The following USP6 variants were observed in gnomAD, a reference collection of about 807,000 sequenced individuals.
USP6 encodes the protein ubiquitin carboxyl-terminal hydrolase 6.
USP6 carries 128 observed loss-of-function variants against 175.7 expected under a neutral mutation model. The ratio of observed to expected loss-of-function variants is 0.73; its 90% CI spans 0.63 to 0.84. USP6 has a LOEUF of 0.84. Among genes scored for constraint, USP6 ranks in the 40% least tolerant of loss-of-function variants. The pLI is 0.00. For synonymous variants in USP6, 562 were observed against 630.6 expected, an observed-to-expected ratio of 0.89 and a Z score of 1.63; for missense variants, 1,498 against 1,760.3, an observed-to-expected ratio of 0.85 and a Z score of 2.67.
intron 34 of USP6, among the ~76,000 whole-genome samples, 189 bp from the exon 35 acceptor site, chr17:5,168,578 C>T (rs1357941452): frequency 6.6e-6 from 1 of 152,194 alleles, no homozygotes; most frequent in Non-Finnish European, 1.5e-5. Flanking sequence ...TGCACAAGGA[C>T]GCCAGTGCAC....
rs1419627041 is a variant in USP6, at chr17:5,170,849, A to C, written c.3888A>C (p.Glu1296Asp). Residue 1296 changes from glutamate to aspartate, a missense_variant, in exon 36 of 38, where the codon GAA (glutamate) becomes GAC (aspartate). Coordinates refer to ENST00000574788, the MANE Select transcript of USP6 (RefSeq NM_001304284.2). ...GTCAGCTTGGAAACCACAGTGAAGA[A>C]GACAGCACTGATGACCAAAGAGAAG... The part of the protein sequence containing the change: ...SNGQLGNHSE[E>D]DSTDDQREDT... The C allele has an allele frequency of 3.1e-6, 5 of 1,612,978 alleles. No homozygotes were observed. The highest frequency in any genetic ancestry group is 4.2e-6 in the Non-Finnish European group (5 of 1,179,860).
rs1248026897 is a variant in USP6 at position 5,144,675 on chromosome 17, C to T, written c.1819-15C>T. 1 of 1,611,462 alleles carries T rather than the reference C, an allele frequency of 6.2e-7. No individual in the cohort carries two copies. The highest frequency in any genetic ancestry group is 2.2e-5 in the East Asian group (1 of 44,852). On this transcript the variant is annotated splice_polypyrimidine_tract_variant and intron_variant, in intron 25 of 37. Transcript: ENST00000574788. ...GGGTAGGAAATAATGACTGTGACTT[C>T]TCTTATATTTATAGCGGACCATAGC...
At position 5,124,679 on chromosome 17, in the gene USP6, C is replaced by G. The variant is rs1276983235; in HGVS notation, c.-1185C>G. 6.6e-6 allele frequency: 1 copy of G among 152,308 alleles called. No homozygotes were observed. The highest frequency in any genetic ancestry group is 2.4e-5 in the African/African-American group (1 of 41,454). The allele number at this position is 152,308 out of a possible 1,614,324, so 9.4% of individuals were successfully genotyped here. On this transcript the variant is annotated 5_prime_UTR_variant, in exon 5 of 38. Transcript: ENST00000574788. ...GTGACACCTTGATCTTGGACTGACA[C>G]TCATGACCTCCAGTACTGTGAGACA...
In USP6 at chr17:5,116,128, C is replaced by T. The variant is rs1210045338; in HGVS notation, c.-2540C>T. On this transcript the variant is annotated 5_prime_UTR_variant, in exon 1 of 38. Coordinates refer to ENST00000574788, the MANE Select transcript of USP6 (RefSeq NM_001304284.2). ...TCGTCTCCAGGCGCCCATCAGTCTT[C>T]CCCTCACTCGACGCTACCTTGGCGG... Among the ~76,000 whole-genome samples, 1 of 152,212 alleles carries T rather than the reference C, an allele frequency of 6.6e-6. No homozygotes were observed. The highest frequency in any genetic ancestry group is 2.4e-5 in the African/African-American group (1 of 41,464).
intron 29 of USP6, among the ~76,000 whole-genome samples, chr17:5,148,055 C>T (rs1412793070): frequency 6.6e-6 from 1 of 152,004 alleles, no homozygotes; most frequent in Non-Finnish European, 1.5e-5. Context: ...TATGGTGTAT[C>T]TTTTGTAGAG....
At chr17:5,150,573 C>T (rs1388811948) in intron 30 of USP6, among the ~76,000 whole-genome samples, 2 of 151,142 alleles carry the variant, frequency 1.3e-5, no homozygotes, top group African/African-American at 4.9e-5. Flanking sequence ...CGGTTCACTG[C>T]AGCCTCCACC....
At chr17:5,127,242 C>G (rs1369748622) in intron 6 of USP6, among the ~76,000 whole-genome samples, 1 of 152,190 alleles carries the variant, frequency 6.6e-6, no homozygotes, top group Non-Finnish European at 1.5e-5. Flanking sequence ...CGCCCCTAGT[C>G]CATGAGTCAG....
intron 17 of USP6, 55 bp downstream of exon 17, chr17:5,135,983 G>A: frequency 1.3e-6 from 2 of 1,596,704 alleles, no homozygotes; most frequent in Non-Finnish European, 1.7e-6. Flanking sequence ...GAAAGCCACT[G>A]TGGCCAGGTG....
In USP6 at chr17:5,146,085, T is replaced by C. The variant is rs1451426301; in HGVS notation, c.2230T>C (p.Tyr744His). Residue 744 changes from tyrosine (Y) to histidine (H), a missense_variant, in exon 28 of 38, where the codon TAC becomes CAC. This residue lies in a region of USP6 where 1,217 missense variants were observed against 1,500.8 expected (regional missense o/e 0.81). Coordinates refer to ENST00000574788, the MANE Select transcript of USP6 (RefSeq NM_001304284.2). ...YGLRLNMDEKYTGLKKQLRDL... is the reference protein window; with the variant it reads ...YGLRLNMDEKHTGLKKQLRDL... The stretch of plus-strand genomic sequence containing the variant: ...ACTAAGACTGAATATGGATGAAAAG[T>C]ACACAGGTTTAAAAAAACAGCTGAG... 19 of 1,613,160 alleles carry C rather than the reference T, an allele frequency of 1.2e-5. No homozygotes were observed. The highest frequency in any genetic ancestry group is 1.6e-5 in the Non-Finnish European group (19 of 1,179,484).
chr17:5,138,146 T>C lies in USP6; in HGVS notation c.951T>C (p.Cys317=), dbSNP rs1348569504. 3.1e-6 allele frequency: 5 copies of C among 1,613,974 alleles called. No homozygotes were observed. In the African/African-American group the frequency reaches 5.3e-5, roughly 17 times the overall value. ...QQKRLMKTSR[C]GLWARLRNQF... Reference sequence around the variant, plus strand: ...AGCGCCTCATGAAGACATCCAGGTGTGGCCTGTGGGCACGTCTGCGGAACC... The same window carrying C: ...AGCGCCTCATGAAGACATCCAGGTGCGGCCTGTGGGCACGTCTGCGGAACC... The change falls in exon 21 of 38, where the codon TGT becomes TGC. Residue 317 remains cysteine, a synonymous_variant. Coordinates refer to ENST00000574788, the MANE Select transcript of USP6 (RefSeq NM_001304284.2).
chr17:5,149,776 T>C (rs925933156), intron 30 of USP6, among the ~76,000 whole-genome samples: 2 of 152,102 alleles, frequency 1.3e-5, no homozygotes, highest in Admixed American at 6.5e-5. Flanking sequence ...TAGTCTAATA[T>C]ATAACTATTG....
chr17:5,123,444 G>GGGGC (rs1039278274), intron 4 of USP6, among the ~76,000 whole-genome samples: 1 of 152,042 alleles, frequency 6.6e-6, no homozygotes, highest in Non-Finnish European at 1.5e-5. Flanking sequence ...GTGAGTGCCA[G>GGGGC]GGGCGGGCAG....
intron 30 of USP6, among the ~76,000 whole-genome samples, chr17:5,152,338 A>AT (rs2073792556): frequency 6.6e-6 from 1 of 152,240 alleles, no homozygotes; most frequent in Admixed American, 6.5e-5. Flanking sequence ...AACAGGTAAA[A>AT]TTAAACAGAC....
At chr17:5,157,142 G>C (rs573596831) in intron 31 of USP6, among the ~76,000 whole-genome samples, 1 of 152,182 alleles carries the variant, frequency 6.6e-6, no homozygotes, top group Admixed American at 6.5e-5. Flanking sequence ...CTGGAGTGCA[G>C]TGGTGTGATC....
chr17:5,118,347 T>C (rs1403002858), intron 2 of USP6, 57 bp downstream of exon 2: 3 of 152,436 alleles, frequency 2.0e-5, no homozygotes, highest in Admixed American at 1.3e-4. Context: ...ATGAGCAAGC[T>C]CTTTGCGGAG....
rs578239316 is a variant in USP6, at chr17:5,167,648, G to A, written c.3037-284G>A. Among the ~76,000 whole-genome samples the A allele has an allele frequency of 3.9e-5, 6 of 152,012 alleles. No homozygotes were observed. In the East Asian group the frequency reaches 5.8e-4, roughly 15 times the overall value. Reference sequence around the variant, plus strand: ...TGAGTAGCTGGGACTACAGACATGCGCCACAATGCCCAGCTAATTTTTAGA... The same window carrying A: ...TGAGTAGCTGGGACTACAGACATGCACCACAATGCCCAGCTAATTTTTAGA... On this transcript the variant is annotated intron_variant, in intron 33 of 37. Transcript: ENST00000574788.
At position 5,173,521 on chromosome 17, in the gene USP6, C is replaced by T. The variant is rs1426580848; in HGVS notation, c.*543C>T. On this transcript the variant is annotated 3_prime_UTR_variant, in exon 38 of 38. Transcript: ENST00000574788. ...ATTTATTTTTTAAACTGTTTCCATA[C>T]CCTTTCTTTTTCTTGCTTTTTGTTT... 2.7e-5 allele frequency: 6 copies of T among 219,580 alleles called. No individual in the cohort carries two copies. The East Asian group carries it at 4.0e-4, about 15-fold the overall frequency. 13.6% of individuals were successfully genotyped at this position (219,580 alleles called of 1,614,324 possible).
Position 5,168,908 on chromosome 17 carries a change from A to G in USP6, c.3370A>G (p.Thr1124Ala). The part of the protein sequence containing the change: ...DPALCQHKPL[T>A]PQGDELSKPR... ...GGCCCTCTGCCAGCATAAACCACTCACACCCCAGGGGGATGAGCTCTCCAA... is the reference window on the plus strand; with the variant it reads ...GGCCCTCTGCCAGCATAAACCACTCGCACCCCAGGGGGATGAGCTCTCCAA... The change falls in exon 35 of 38, where the codon ACA becomes GCA. Residue 1124 changes from threonine (T) to alanine (A), a missense_variant. Physicochemically the swap from Thr to Ala is moderately conservative, Grantham distance 58. This residue lies in a region of USP6 where 1,217 missense variants were observed against 1,500.8 expected (regional missense o/e 0.81). Transcript: ENST00000574788. 1 of 1,614,004 alleles carries G rather than the reference A, an allele frequency of 6.2e-7. No homozygotes were observed. Among genetic ancestry groups the G allele is most frequent in the Non-Finnish European group, 8.5e-7 (1 of 1,179,872 alleles).
At chr17:5,133,764 C>T (rs1345338817) in intron 14 of USP6, 123 bp from the exon 15 acceptor site, 22 of 1,243,512 alleles carry the variant, frequency 1.8e-5, no homozygotes, top group Non-Finnish European at 2.6e-5. Flanking sequence ...CAGCTTTCTG[C>T]AGAAGGAAAC....
Sources: allele counts gnomAD v4.1 joint callset (sites outside exome capture counted in the v4.1 genomes callset), GRCh38; gene constraint gnomAD v4.1.1; regional missense constraint gnomAD v4.1.1; transcripts MANE v1.5; gene names NCBI Gene and HGNC (gene_info 2026-07-23, HGNC 2026-07-21).